The following TMEM244 variants were observed in gnomAD, a reference collection of about 807,000 sequenced individuals.
TMEM244 encodes the protein putative transmembrane protein 244.
TMEM244 carries 13 observed loss-of-function variants against 15.8 expected under a neutral mutation model. The observed-to-expected ratio is 0.82, with a 90% confidence interval of 0.53 to 1.30. The LOEUF is 1.30. Among genes scored for constraint, TMEM244 ranks in the 50% most tolerant of loss-of-function variants. The pLI is 0.00. For missense variants in TMEM244, 161 were observed against 144.9 expected (o/e 1.11, Z -0.57); for synonymous variants, 45 against 48.7 (o/e 0.92, Z 0.32).
intron 1 of TMEM244, among the ~76,000 whole-genome samples, chr6:129,860,129 G>C (rs1776780016): frequency 6.9e-6 from 1 of 145,844 alleles, no homozygotes; most frequent in Admixed American, 6.9e-5. Flanking sequence ...GTGTGTGTGT[G>C]TGTGTGTGTG....
At chr6:129,854,510 A>G (rs1454568446) in intron 1 of TMEM244, among the ~76,000 whole-genome samples, 1 of 152,212 alleles carries the variant, frequency 6.6e-6, no homozygotes, top group Non-Finnish European at 1.5e-5. Context: ...ACAAGCAAGT[A>G]TACCCAACAG....
At chr6:129,849,528 A>T (rs1048736953) in intron 1 of TMEM244, among the ~76,000 whole-genome samples, 4 of 152,052 alleles carry the variant, frequency 2.6e-5, no homozygotes, top group African/African-American at 9.7e-5. Context: ...ATGCAAGGTA[A>T]ATTGGATGTG....
intron 3 of TMEM244, among the ~76,000 whole-genome samples, chr6:129,841,388 A>T (rs929784622): frequency 1.7e-5 from 2 of 117,268 alleles, no homozygotes; most frequent in Middle Eastern, 0.015. Context: ...ACTTGGACAC[A>T]GGGCGAGGAA....
chr6:129,856,814 CTTA>C (rs894142410), intron 1 of TMEM244, among the ~76,000 whole-genome samples: 3 of 151,794 alleles, frequency 2.0e-5, no homozygotes, highest in African/African-American at 7.3e-5. Context: ...TTATGCCAAA[CTTA>C]TTAAGATGGG....
At chr6:129,854,356 C>T (rs147834806) in intron 1 of TMEM244, among the ~76,000 whole-genome samples, 133 of 152,282 alleles carry the variant, frequency 8.7e-4, no homozygotes, top group African/African-American at 3.0e-3. Flanking sequence ...CAGATAAAAG[C>T]AATCTTTGCT....
chr6:129,833,420 T>C (rs749190516), intron 4 of TMEM244, 40 bp downstream of exon 4: 19 of 1,597,714 alleles, frequency 1.2e-5, no homozygotes, highest in Admixed American at 1.7e-5. Flanking sequence ...ACATCTGTTT[T>C]AATACATTTT....
chr6:129,836,173 A>C (rs1472896796), intron 3 of TMEM244, among the ~76,000 whole-genome samples: 1 of 152,108 alleles, frequency 6.6e-6, no homozygotes, highest in East Asian at 1.9e-4. Flanking sequence ...GCCGACAGAC[A>C]CCTCAAACAG....
intron 4 of TMEM244, among the ~76,000 whole-genome samples, chr6:129,831,899 GTAA>G (rs1391607840): frequency 6.6e-6 from 1 of 152,132 alleles, no homozygotes; most frequent in Non-Finnish European, 1.5e-5. Flanking sequence ...AAGCCCCAAA[GTAA>G]AATAGAGCAC....
intron 3 of TMEM244, among the ~76,000 whole-genome samples, chr6:129,843,032 C>CA (rs1281764876): frequency 1.3e-5 from 2 of 151,798 alleles, no homozygotes; most frequent in Non-Finnish European, 2.9e-5. Flanking sequence ...CAGAAATGTA[C>CA]AAAGTAGAGA....
In TMEM244 at chr6:129,849,361, A is replaced by G. The variant is rs144389833; in HGVS notation, c.34-3509T>C. 1.0e-3 allele frequency among the ~76,000 whole-genome samples: 151 copies of G among 151,590 alleles called. 2 individuals are homozygous for G. The highest frequency in any genetic ancestry group is 3.5e-3 in the African/African-American group (146 of 41,284). On this transcript the variant is annotated intron_variant, in intron 1 of 4. Coordinates refer to ENST00000368143, the MANE Select transcript of TMEM244 (RefSeq NM_001010876.2). The stretch of plus-strand genomic sequence containing the variant: ...TTGCTTTTAGTATTTTCTTCCTCGA[A>G]TCTACACCCTACAGAGCCTATGGAA...
At chr6:129,840,533 A>T (rs369108116) in intron 3 of TMEM244, among the ~76,000 whole-genome samples, 2 of 152,186 alleles carry the variant, frequency 1.3e-5, no homozygotes, top group African/African-American at 4.8e-5. Flanking sequence ...AGACTTCATG[A>T]CTAAAACCCC....
intron 1 of TMEM244, among the ~76,000 whole-genome samples, chr6:129,853,166 C>T (rs925088406): frequency 6.6e-6 from 1 of 152,146 alleles, no homozygotes; most frequent in Non-Finnish European, 1.5e-5. Flanking sequence ...TAAGATCACC[C>T]GTGGGTCCTG....
chr6:129,837,256 TG>T (rs1776421955), intron 3 of TMEM244, among the ~76,000 whole-genome samples: 1 of 151,778 alleles, frequency 6.6e-6, no homozygotes, highest in Admixed American at 6.6e-5. Context: ...CAGAAAAGAG[TG>T]GGGGCCAATA....
At chr6:129,855,666 T>A (rs551095265) in intron 1 of TMEM244, among the ~76,000 whole-genome samples, 1 of 152,334 alleles carries the variant, frequency 6.6e-6, no homozygotes, top group South Asian at 2.1e-4. Flanking sequence ...TGAATTTGTC[T>A]GATGGTTTCC....
At chr6:129,840,484 A>G (rs1776474242) in intron 3 of TMEM244, among the ~76,000 whole-genome samples, 1 of 152,216 alleles carries the variant, frequency 6.6e-6, no homozygotes, top group South Asian at 2.1e-4. Context: ...CCCTAGAAGA[A>G]AACCTAGGCA....
Position 129,831,395 on chromosome 6 carries a change from G to GAA in TMEM244, c.320-11_320-10dup. ...GGGGAATTCCAACATAACTGCAATA[G>GAA]AAAAAAAATGTTTAATTTCAAAACA... On this transcript the variant is annotated splice_polypyrimidine_tract_variant and intron_variant, in intron 4 of 4. Transcript: ENST00000368143. 1 of 1,544,296 alleles carries GAA rather than the reference G, an allele frequency of 6.5e-7. No homozygotes were observed.
chr6:129,845,071 A>T lies in TMEM244; in HGVS notation c.119+696T>A, dbSNP rs141817055. Among the ~76,000 whole-genome samples, 24 of 152,350 alleles carry T rather than the reference A, an allele frequency of 1.6e-4. No homozygotes were observed. The East Asian group carries it at 4.4e-3, about 28-fold the overall frequency. On this transcript the variant is annotated intron_variant, in intron 2 of 4. Coordinates refer to ENST00000368143, the MANE Select transcript of TMEM244 (RefSeq NM_001010876.2). ...GAAAAATAATGTTTTACACTTACAT[A>T]AAAATGATACCATTAAAATACACGT...
intron 3 of TMEM244, among the ~76,000 whole-genome samples, chr6:129,836,079 C>T (rs547444022): frequency 6.6e-5 from 10 of 152,252 alleles, no homozygotes; most frequent in South Asian, 2.1e-4. Context: ...GCATGGCATT[C>T]GAGCTCCGAG....
At position 129,843,452 on chromosome 6, in the gene TMEM244, AT is replaced by A. The variant is rs567780202; in HGVS notation, c.193+77del. 447 of 1,015,908 alleles carry A rather than the reference AT, an allele frequency of 4.4e-4. 3 individuals are homozygous for A. In the African/African-American group the frequency reaches 6.7e-3, roughly 15 times the overall value. 62.9% of individuals were successfully genotyped at this position (1,015,908 alleles called of 1,614,324 possible). A position where few individuals can be genotyped will look rare whatever the true frequency, so the allele number is the denominator to read the frequency against. Reference sequence around the variant, plus strand: ...CTGCGAGACAGGCCTGATATTTAAAATTTTTTTATTAAAAAATTTATGGGGT... The same window carrying A: ...CTGCGAGACAGGCCTGATATTTAAAATTTTTTATTAAAAAATTTATGGGGT... On this transcript the variant is annotated intron_variant, in intron 3 of 4. Coordinates refer to ENST00000368143, the MANE Select transcript of TMEM244 (RefSeq NM_001010876.2).
Sources: gnomAD v4.1 joint callset for allele counts (sites outside exome capture counted in the v4.1 genomes callset) on GRCh38, gnomAD v4.1.1 for gene constraint, MANE v1.5 for transcripts, NCBI Gene and HGNC (gene_info 2026-07-23, HGNC 2026-07-21) for gene names.